The following LDHAL6A variants were observed in gnomAD, a reference collection of about 807,000 sequenced individuals.
The protein encoded by LDHAL6A is L-lactate dehydrogenase A-like 6A.
A neutral mutation model predicts 28.2 loss-of-function variants in LDHAL6A; 19 were observed. That is an observed-to-expected ratio of 0.67 (90% CI 0.47 to 0.99). The LOEUF is 0.99. LDHAL6A is among the 50% of genes least tolerant of loss of function. The probability of loss-of-function intolerance (pLI) is 0.00; values close to 1 mark genes in which losing one functional copy is unlikely to be tolerated. For synonymous variants in LDHAL6A, 144 were observed against 134.4 expected, an observed-to-expected ratio of 1.07 and a Z score of -0.49; for missense variants, 372 against 398.6, an observed-to-expected ratio of 0.93 and a Z score of 0.57.
chr11:18,470,979 G>A (rs879777763), intron 3 of LDHAL6A, among the ~76,000 whole-genome samples: 7 of 152,098 alleles, frequency 4.6e-5, no homozygotes, highest in Non-Finnish European at 7.4e-5. Flanking sequence ...GAGCCACAGC[G>A]CCTGGCCACA....
intron 5 of LDHAL6A, 133 bp downstream of exon 5, chr11:18,476,634 G>A: frequency 6.9e-7 from 1 of 1,439,460 alleles, no homozygotes; most frequent in Non-Finnish European, 9.2e-7. Flanking sequence ...GCTTTTCTGT[G>A]TGATCATATT....
chr11:18,471,663 ACCTGTAATC>A (rs1385868127), intron 3 of LDHAL6A, among the ~76,000 whole-genome samples: 1 of 151,286 alleles, frequency 6.6e-6, no homozygotes, highest in East Asian at 2.0e-4. Context: ...GGTGGTTCAC[ACCTGTAATC>A]CCAGAACTTT....
At chr11:18,475,017 A>G (rs61882904) in intron 3 of LDHAL6A, among the ~76,000 whole-genome samples, 29,164 of 152,054 alleles carry the variant, frequency 0.19, 3,176 homozygotes, top group East Asian at 0.43. Context: ...AAGGTAGGTG[A>G]ATCACCTGAG....
Position 18,456,423 on chromosome 11 carries a change from A to C in LDHAL6A, c.-258A>C. ...GTTCCTTTCCTCTCTCTCTCTCTTA[A>C]TTCCTCTTAACTGTACTCACGCTTC... On this transcript the variant is annotated 5_prime_UTR_variant, in exon 1 of 7. Coordinates refer to ENST00000280706, the MANE Select transcript of LDHAL6A (RefSeq NM_144972.5). 1 of 391,232 alleles carries C rather than the reference A, an allele frequency of 2.6e-6. No homozygotes were observed. Among genetic ancestry groups the C allele is most frequent in the South Asian group, 3.0e-5 (1 of 33,708 alleles). The allele number at this position is 391,232 out of a possible 1,614,324, so 24.2% of individuals were successfully genotyped here.
chr11:18,471,762 TAAAA>T (rs755779286), intron 3 of LDHAL6A, among the ~76,000 whole-genome samples: 1 of 119,002 alleles, frequency 8.4e-6, no homozygotes, highest in African/African-American at 3.1e-5. Context: ...CTGTCTCTAT[TAAAA>T]AAAAAAAAAA....
Position 18,475,539 on chromosome 11 carries a change from T to G in LDHAL6A, c.492T>G (p.Asn164Lys). 6.2e-7 allele frequency: 1 copy of G among 1,614,156 alleles called. No homozygotes were observed. Among genetic ancestry groups the G allele is most frequent in the Middle Eastern group, 1.6e-4 (1 of 6,062 alleles). Residue 164 changes from asparagine to lysine, a missense_variant, in exon 4 of 7, where the codon AAT becomes AAG. By Grantham distance (94) the Asn-to-Lys change is moderately conservative (BLOSUM62 0). This residue lies in a region of LDHAL6A where 291 missense variants were observed against 302.9 expected (regional missense o/e 0.96). Transcript: ENST00000280706. Reference protein sequence around the residue: ...PKNRVIGSGCNLDSARFRYFI... With the variant: ...PKNRVIGSGCKLDSARFRYFI... ...ACCGTGTTATTGGAAGTGGTTGTAA[T>G]CTGGACTCTGCTCGTTTTCGTTACT...
chr11:18,463,881 C>T, intron 1 of LDHAL6A, 80 bp from the exon 2 acceptor site: 3 of 833,298 alleles, frequency 3.6e-6, no homozygotes, highest in Non-Finnish European at 6.3e-6. Flanking sequence ...AGACATAGAT[C>T]ACCAATATAA....
At chr11:18,478,420 C>T (rs920667893) in intron 6 of LDHAL6A, among the ~76,000 whole-genome samples, 45 of 152,074 alleles carry the variant, frequency 3.0e-4, no homozygotes, top group African/African-American at 1.0e-3. Flanking sequence ...GTCGGCCGGG[C>T]GTGGTGGTGT....
rs1262514356 is a variant in LDHAL6A, at chr11:18,478,787, G to C, written c.916G>C (p.Val306Leu). ...GENGITDLIK[V>L]KLTLEEEACL... ...GAATGGTATCACAGACCTCATAAAAGTAAAACTGACTCTTGAAGAGGAGGC... is the reference window on the plus strand; with the variant it reads ...GAATGGTATCACAGACCTCATAAAACTAAAACTGACTCTTGAAGAGGAGGC... Residue 306 changes from valine to leucine, a missense_variant, in exon 7 of 7, where the codon GTA becomes CTA. Around this residue, in one of 3 missense-constraint regions of LDHAL6A, gnomAD observed 291 missense variants for 302.9 expected, o/e 0.96. Coordinates refer to ENST00000280706, the MANE Select transcript of LDHAL6A (RefSeq NM_144972.5). 15 of 1,613,768 alleles carry C rather than the reference G, an allele frequency of 9.3e-6. No homozygotes were observed. Among genetic ancestry groups the C allele is most frequent in the East Asian group, 8.9e-5 (4 of 44,856 alleles).
At position 18,475,709 on chromosome 11, in the gene LDHAL6A, A is replaced by G. The variant is rs940857051; in HGVS notation, c.592+70A>G. The G allele has an allele frequency of 3.7e-6, 5 of 1,357,502 alleles. No homozygotes were observed. The African/African-American group carries it at 7.3e-5, about 20-fold the overall frequency. The allele number at this position is 1,357,502 out of a possible 1,614,324, so 84.1% of individuals were successfully genotyped here. ...TCAATCATACAGACATTTAATGTAA[A>G]GTAGCTCCTGGGAGGGGAGAAAAGA... On this transcript the variant is annotated intron_variant, in intron 4 of 6. Transcript: ENST00000280706.
chr11:18,471,681 T>C (rs1287646544), intron 3 of LDHAL6A, among the ~76,000 whole-genome samples: 1 of 150,862 alleles, frequency 6.6e-6, no homozygotes, highest in East Asian at 2.0e-4. Flanking sequence ...TCCCAGAACT[T>C]TGGGAGGCTG....
At chr11:18,466,457 G>A (rs1849076095) in intron 3 of LDHAL6A, among the ~76,000 whole-genome samples, 1 of 151,840 alleles carries the variant, frequency 6.6e-6, no homozygotes, top group Non-Finnish European at 1.5e-5. Context: ...GTTTGAGAAT[G>A]GCCTGGGCAA....
intron 1 of LDHAL6A, among the ~76,000 whole-genome samples, chr11:18,460,904 G>A (rs1427015665): frequency 6.6e-6 from 1 of 152,084 alleles, no homozygotes; most frequent in Non-Finnish European, 1.5e-5. Flanking sequence ...TGGTCAATCT[G>A]ATAGCTCACA....
chr11:18,467,880 C>T (rs12786468), intron 3 of LDHAL6A, among the ~76,000 whole-genome samples: 2,107 of 43,644 alleles, frequency 0.048, 167 homozygotes, highest in African/African-American at 0.17. Flanking sequence ...TATATACACA[C>T]ATATATATAT....
chr11:18,473,278 C>CA (rs1849292861), intron 3 of LDHAL6A, among the ~76,000 whole-genome samples: 4 of 152,148 alleles, frequency 2.6e-5, no homozygotes, highest in Admixed American at 2.6e-4. Flanking sequence ...AGTAGCTCCT[C>CA]AAAGTCCCAG....
chr11:18,462,838 A>AC (rs1554966839), intron 1 of LDHAL6A, among the ~76,000 whole-genome samples: 69 of 151,686 alleles, frequency 4.5e-4, no homozygotes, highest in Middle Eastern at 3.4e-3. Flanking sequence ...CCATCTCAAA[A>AC]AAAAACAAAA....
chr11:18,465,079 G>C (rs1849029597), intron 2 of LDHAL6A, among the ~76,000 whole-genome samples: 1 of 149,844 alleles, frequency 6.7e-6, no homozygotes, highest in African/African-American at 2.5e-5. Context: ...TGATCCTCTT[G>C]GTCTCAGCCT....
intron 3 of LDHAL6A, among the ~76,000 whole-genome samples, chr11:18,467,980 CGTATATATATGCATATATATACGT>C (rs1565071452): frequency 2.7e-4 from 13 of 47,858 alleles, no homozygotes; most frequent in African/African-American, 1.8e-3. Flanking sequence ...TATATATATA[CGTATATATATGCATATATATACGT>C]ATATATATAC....
intron 3 of LDHAL6A, among the ~76,000 whole-genome samples, chr11:18,472,040 C>T (rs1849268299): frequency 6.6e-6 from 1 of 152,048 alleles, no homozygotes; most frequent in Non-Finnish European, 1.5e-5. Flanking sequence ...TTAACCTTTT[C>T]TTCAAATCTA....
Sources: gnomAD v4.1 joint callset for allele counts (sites outside exome capture counted in the v4.1 genomes callset) on GRCh38, gnomAD v4.1.1 for gene constraint, gnomAD v4.1.1 regional missense constraint, MANE v1.5 for transcripts, NCBI Gene and HGNC (gene_info 2026-07-23, HGNC 2026-07-21) for gene names.